Variants in RABGAP1L observed in about 807,000 individuals in gnomAD.
The protein encoded by RABGAP1L is RAB GTPase activating protein 1 like.
In RABGAP1L, 63 loss-of-function variants were observed where a neutral mutation model predicts 137.7. The ratio of observed to expected loss-of-function variants is 0.46; its 90% CI spans 0.37 to 0.56. RABGAP1L has a LOEUF of 0.56. RABGAP1L is among the 20% of genes least tolerant of loss of function. RABGAP1L has a pLI of 0.00. For missense variants in RABGAP1L, 1,095 were observed against 1,244.0 expected (o/e 0.88, Z 1.80); for synonymous variants, 431 against 433.7 (o/e 0.99, Z 0.08).
At chr1:174,385,605 C>G (rs1289798889) in intron 12 of RABGAP1L, among the ~76,000 whole-genome samples, 5 of 152,148 alleles carry the variant, frequency 3.3e-5, no homozygotes, top group Non-Finnish European at 7.4e-5. Context: ...GCACCCTCGA[C>G]CACTCCAGTG....
intron 11 of RABGAP1L, among the ~76,000 whole-genome samples, chr1:174,329,940 G>T (rs1680879076): frequency 7.3e-6 from 1 of 137,922 alleles, no homozygotes; most frequent in Non-Finnish European, 1.5e-5. Context: ...ATAAAGCTTT[G>T]GTCTCCTGCA....
At chr1:174,636,545 A>T (rs919854650) in intron 13 of RABGAP1L, among the ~76,000 whole-genome samples, 2 of 149,752 alleles carry the variant, frequency 1.3e-5, no homozygotes, top group South Asian at 2.1e-4. Context: ...AAAAAAAAAG[A>T]GATCATCTTA....
intron 18 of RABGAP1L, among the ~76,000 whole-genome samples, chr1:174,771,934 C>G (rs1686140243): frequency 1.3e-5 from 2 of 152,220 alleles, no homozygotes; most frequent in Admixed American, 1.3e-4. Flanking sequence ...GCACATTGGC[C>G]CACGCCTATA....
intron 13 of RABGAP1L, among the ~76,000 whole-genome samples, chr1:174,587,228 T>G (rs1185262453): frequency 7.1e-6 from 1 of 141,768 alleles, no homozygotes. Context: ...TGTGTCTTTA[T>G]AGCAGCATGA....
At chr1:174,683,101 G>A (rs891027573) in intron 14 of RABGAP1L, among the ~76,000 whole-genome samples, 2 of 144,110 alleles carry the variant, frequency 1.4e-5, no homozygotes, top group East Asian at 2.0e-4. Context: ...TCAGAATAGC[G>A]GATTTGCACT....
At chr1:174,743,576 C>A (rs1457924122) in intron 17 of RABGAP1L, among the ~76,000 whole-genome samples, 1 of 152,012 alleles carries the variant, frequency 6.6e-6, no homozygotes, top group Non-Finnish European at 1.5e-5. Flanking sequence ...GTTCAACAAA[C>A]CCCCTATGTC....
At chr1:174,938,629 C>T (rs1665311130) in intron 19 of RABGAP1L, 1 of 152,172 alleles carries the variant, frequency 6.6e-6, no homozygotes. Context: ...TAGTCAGTTT[C>T]CCCCTTGTAA....
chr1:174,903,636 A>G (rs893206657), intron 19 of RABGAP1L, among the ~76,000 whole-genome samples: 11 of 151,472 alleles, frequency 7.3e-5, no homozygotes, highest in Non-Finnish European at 1.5e-4. Context: ...AACACTGGAT[A>G]TAGGTGGTTA....
chr1:174,956,616 C>T (rs568726899), intron 19 of RABGAP1L, among the ~76,000 whole-genome samples: 27 of 151,356 alleles, frequency 1.8e-4, no homozygotes, highest in South Asian at 1.3e-3. Flanking sequence ...TTTCAGTGTA[C>T]TAACTCCATT....
At chr1:174,237,255 A>G (rs1671286742) in intron 4 of RABGAP1L, among the ~76,000 whole-genome samples, 1 of 124,678 alleles carries the variant, frequency 8.0e-6, no homozygotes, top group African/African-American at 3.1e-5. Flanking sequence ...TAATTGGAGC[A>G]TTTAGTCCAT....
chr1:174,377,608 C>T (rs914352409), intron 12 of RABGAP1L, among the ~76,000 whole-genome samples: 3 of 152,074 alleles, frequency 2.0e-5, no homozygotes, highest in Non-Finnish European at 4.4e-5. Flanking sequence ...AAAAGATGCT[C>T]AATATCATTA....
In RABGAP1L at chr1:174,355,947, T is replaced by C. The variant is rs186831800; in HGVS notation, c.1466-15032T>C. 4.1e-3 allele frequency among the ~76,000 whole-genome samples: 624 copies of C among 152,314 alleles called. 4 individuals carry two copies. Among genetic ancestry groups the C allele is most frequent in the South Asian group, 4.2e-3 (20 of 4,818 alleles). On this transcript the variant is annotated intron_variant, in intron 11 of 25. Coordinates refer to ENST00000681986, the MANE Select transcript of RABGAP1L (RefSeq NM_001366446.1). ...TATTTAAGAAATTAAAGATGATTTG[T>C]GTTAGCTTTAATGGTTTACATTTGT...
chr1:174,995,051 T>G lies in RABGAP1L; in HGVS notation c.*5050T>G, dbSNP rs1411565442. On this transcript the variant is annotated 3_prime_UTR_variant, in exon 26 of 26. Transcript: ENST00000681986. Reference sequence around the variant, plus strand: ...TCCATGTATTATGTATAGTACACTCTATAAATGTAAATGTAATGCTTGTCT... The same window carrying G: ...TCCATGTATTATGTATAGTACACTCGATAAATGTAAATGTAATGCTTGTCT... 6.8e-6 allele frequency: 1 copy of G among 146,556 alleles called. No homozygotes were observed. The highest frequency in any genetic ancestry group is 1.6e-5 in the Non-Finnish European group (1 of 63,984). The allele number at this position is 146,556 out of a possible 1,614,324, so 9.1% of individuals were successfully genotyped here.
intron 10 of RABGAP1L, among the ~76,000 whole-genome samples, chr1:174,290,128 C>T (rs1170409607): frequency 6.6e-6 from 1 of 152,152 alleles, no homozygotes; most frequent in East Asian, 1.9e-4. Flanking sequence ...CCAGTACTGC[C>T]AACCATACTC....
chr1:174,989,498 TCTA>T (rs370921181), intron 25 of RABGAP1L, among the ~76,000 whole-genome samples: 1 of 152,340 alleles, frequency 6.6e-6, no homozygotes, highest in African/African-American at 2.4e-5. Flanking sequence ...CATTCATGCT[TCTA>T]CTATCAGTAA....
intron 15 of RABGAP1L, among the ~76,000 whole-genome samples, chr1:174,696,793 C>T (rs1369933085): frequency 1.3e-5 from 2 of 152,198 alleles, no homozygotes; most frequent in African/African-American, 2.4e-5. Flanking sequence ...CTATCCTCTT[C>T]CATGCCTTCT....
chr1:174,298,086 G>C (rs1571969891), intron 10 of RABGAP1L, among the ~76,000 whole-genome samples: 1 of 152,256 alleles, frequency 6.6e-6, no homozygotes, highest in East Asian at 1.9e-4. Context: ...GACTCCTAGG[G>C]GTCCAGGGTG....
chr1:174,674,094 AATT>A lies in RABGAP1L; in HGVS notation c.1825-9419_1825-9417del, dbSNP rs1179455997. 3.3e-5 allele frequency among the ~76,000 whole-genome samples: 5 copies of A among 150,406 alleles called. No individual in the cohort carries two copies. The South Asian group carries it at 6.3e-4, about 19-fold the overall frequency. On this transcript the variant is annotated intron_variant, in intron 14 of 25. Coordinates refer to ENST00000681986, the MANE Select transcript of RABGAP1L (RefSeq NM_001366446.1). ...TTTTCTTTTTTTTTTCTTTTTTTAA[AATT>A]ATTATTATACTTTAAGTTTTAGGGT... is the stretch of plus-strand genomic sequence containing the variant.
intron 13 of RABGAP1L, among the ~76,000 whole-genome samples, chr1:174,466,176 G>A (rs1657274481): frequency 6.6e-6 from 1 of 152,148 alleles, no homozygotes; most frequent in Admixed American, 6.5e-5. Context: ...ATTGAACATA[G>A]TTGCAGGGCT....
Sources: allele counts gnomAD v4.1 joint callset (sites outside exome capture counted in the v4.1 genomes callset), GRCh38; gene constraint gnomAD v4.1.1; transcripts MANE v1.5; gene names NCBI Gene and HGNC (gene_info 2026-07-23, HGNC 2026-07-21).